Variants in RBMS3 observed in about 807,000 individuals in gnomAD.
RBMS3 encodes the protein RNA binding motif single stranded interacting protein 3, also known as RNA-binding motif, single-stranded-interacting protein 3.
In RBMS3, 27 loss-of-function variants were observed where a neutral mutation model predicts 66.8. That is an observed-to-expected ratio of 0.40 (90% CI 0.30 to 0.56). RBMS3 has a LOEUF of 0.56. Among genes scored for constraint, RBMS3 ranks in the 20% least tolerant of loss-of-function variants. The probability of loss-of-function intolerance (pLI) is 0.40; values close to 1 mark genes in which losing one functional copy is unlikely to be tolerated. For synonymous variants in RBMS3, 188 were observed against 183.0 expected (o/e 1.03, Z -0.22); for missense variants, 513 against 549.5 (o/e 0.93, Z 0.66).
At chr3:29,498,098 G>A (rs372079293) in intron 3 of RBMS3, among the ~76,000 whole-genome samples, 1 of 135,666 alleles carries the variant, frequency 7.4e-6, no homozygotes, top group African/African-American at 2.8e-5. Context: ...GGGTTCAAAC[G>A]ATTCTCCTGC....
intron 3 of RBMS3, among the ~76,000 whole-genome samples, chr3:29,551,805 T>C (rs993594281): frequency 3.9e-5 from 6 of 152,196 alleles, no homozygotes; most frequent in Non-Finnish European, 5.9e-5. Context: ...TAAAAGGAAT[T>C]ATCATCACAG....
intron 5 of RBMS3, among the ~76,000 whole-genome samples, chr3:29,747,338 C>T (rs961589858): frequency 6.6e-6 from 1 of 151,892 alleles, no homozygotes; most frequent in African/African-American, 2.4e-5. Flanking sequence ...ACTCTCTGAG[C>T]CTCTTTTCCT....
chr3:29,553,674 C>G (rs1336163923), intron 3 of RBMS3, among the ~76,000 whole-genome samples: 1 of 151,984 alleles, frequency 6.6e-6, no homozygotes, highest in African/African-American at 2.4e-5. Flanking sequence ...ACCAGTGTAC[C>G]ATCACATGTG....
chr3:29,740,411 C>A (rs1460377172), intron 5 of RBMS3, among the ~76,000 whole-genome samples: 1 of 151,874 alleles, frequency 6.6e-6, no homozygotes, highest in Non-Finnish European at 1.5e-5. Context: ...TTTAAGAGGC[C>A]CTGGCTATGT....
chr3:29,348,564 T>G (rs1037808074), intron 1 of RBMS3, among the ~76,000 whole-genome samples: 1 of 131,708 alleles, frequency 7.6e-6, no homozygotes, highest in Non-Finnish European at 1.7e-5. Context: ...TCTTGACTTC[T>G]CTCTGTTAAA....
chr3:29,307,307 AT>A (rs2034077282), intron 1 of RBMS3, among the ~76,000 whole-genome samples: 1 of 151,956 alleles, frequency 6.6e-6, no homozygotes. Context: ...CAATGTAAAT[AT>A]TTCTGCATTG....
At chr3:29,641,806 C>T (rs1263405618) in intron 4 of RBMS3, among the ~76,000 whole-genome samples, 2 of 151,978 alleles carry the variant, frequency 1.3e-5, no homozygotes, top group African/African-American at 2.4e-5. Flanking sequence ...ATGTAAAGAC[C>T]AGGACACTTA....
intron 10 of RBMS3, among the ~76,000 whole-genome samples, chr3:29,919,453 C>A (rs1439163097): frequency 6.6e-6 from 1 of 152,138 alleles, no homozygotes; most frequent in African/African-American, 2.4e-5. Flanking sequence ...GCATGCAGAC[C>A]TCACATCTAT....
intron 4 of RBMS3, among the ~76,000 whole-genome samples, chr3:29,623,041 G>T (rs142720281): frequency 6.7e-6 from 1 of 149,334 alleles, no homozygotes; most frequent in East Asian, 2.0e-4. Context: ...GGCGTGAACT[G>T]GCAAGCTTGC....
chr3:29,603,846 C>T (rs2048231935), intron 4 of RBMS3, among the ~76,000 whole-genome samples: 1 of 151,906 alleles, frequency 6.6e-6, no homozygotes, highest in South Asian at 2.1e-4. Flanking sequence ...AACACCTGAA[C>T]CACTGCTTTA....
At chr3:29,499,717 G>A (rs1009829644) in intron 3 of RBMS3, among the ~76,000 whole-genome samples, 1 of 152,190 alleles carries the variant, frequency 6.6e-6, no homozygotes, top group Non-Finnish European at 1.5e-5. Flanking sequence ...GTATCATAAA[G>A]CATATTTGGA....
Position 29,763,053 on chromosome 3 carries a change from G to C in RBMS3, c.637+64G>C. 3 of 1,160,678 alleles carry C rather than the reference G, an allele frequency of 2.6e-6. No homozygotes were observed. The South Asian group carries it at 4.0e-5, about 15-fold the overall frequency. The allele number at this position is 1,160,678 out of a possible 1,614,324, so 71.9% of individuals were successfully genotyped here. A position where few individuals can be genotyped will look rare whatever the true frequency, so the allele number is the denominator to read the frequency against. ...GCTTAAATTGCTCTTATTAGAATAA[G>C]TACATTGTAAAGCCCTTGTTGATCA... On this transcript the variant is annotated intron_variant, in intron 6 of 14. Coordinates refer to ENST00000383767, the MANE Select transcript of RBMS3 (RefSeq NM_001003793.3).
intron 10 of RBMS3, among the ~76,000 whole-genome samples, chr3:29,916,316 C>T (rs556661828): frequency 5.9e-5 from 9 of 152,024 alleles, no homozygotes; most frequent in African/African-American, 2.2e-4. Context: ...CATATTATTG[C>T]TTAAAGTGTA....
chr3:29,759,122 C>G lies in RBMS3; in HGVS notation c.558-3788C>G, dbSNP rs944524043. Among the ~76,000 whole-genome samples, 8 of 152,070 alleles carry G rather than the reference C, an allele frequency of 5.3e-5. No homozygotes were observed. In the East Asian group the frequency reaches 1.6e-3, roughly 30 times the overall value. On this transcript the variant is annotated intron_variant, in intron 5 of 14. Coordinates refer to ENST00000383767, the MANE Select transcript of RBMS3 (RefSeq NM_001003793.3). ...CATGTTAAGTCTGACCCAGAACATT[C>G]TACTAATATTGGATCAGCCTCTCAT... is the stretch of plus-strand genomic sequence containing the variant.
At chr3:29,550,538 A>G in intron 3 of RBMS3, among the ~76,000 whole-genome samples, 1 of 152,146 alleles carries the variant, frequency 6.6e-6, no homozygotes, top group South Asian at 2.1e-4. Flanking sequence ...AATTCAGCGT[A>G]TAGTGTATAA....
At chr3:29,998,002 T>A (rs1382976259) in intron 14 of RBMS3, among the ~76,000 whole-genome samples, 1 of 152,314 alleles carries the variant, frequency 6.6e-6, no homozygotes, top group South Asian at 2.1e-4. Flanking sequence ...GATGACATGA[T>A]TGTATATCTA....
intron 5 of RBMS3, among the ~76,000 whole-genome samples, chr3:29,751,293 C>T (rs940886880): frequency 1.3e-5 from 2 of 152,134 alleles, no homozygotes; most frequent in Non-Finnish European, 2.9e-5. Context: ...AACATTATGA[C>T]CAAATCTGTC....
At chr3:29,313,436 G>A (rs2034497040) in intron 1 of RBMS3, among the ~76,000 whole-genome samples, 1 of 151,728 alleles carries the variant, frequency 6.6e-6, no homozygotes, top group African/African-American at 2.4e-5. Context: ...TGAAGGCACT[G>A]TGTATATTGC....
At chr3:29,578,670 C>T (rs1007191653) in intron 3 of RBMS3, among the ~76,000 whole-genome samples, 2 of 151,144 alleles carry the variant, frequency 1.3e-5, no homozygotes, top group Non-Finnish European at 2.9e-5. Flanking sequence ...CAGGAAAATG[C>T]TAGTGTGCAA....
Sources: gnomAD v4.1 joint callset for allele counts (sites outside exome capture counted in the v4.1 genomes callset) on GRCh38, gnomAD v4.1.1 for gene constraint, MANE v1.5 for transcripts, NCBI Gene and HGNC (gene_info 2026-07-23, HGNC 2026-07-21) for gene names.